The following CPQ variants were observed in gnomAD, a reference collection of about 807,000 sequenced individuals.
CPQ encodes the protein carboxypeptidase Q, also known as Ser-Met dipeptidase.
In CPQ, 37 loss-of-function variants were observed where a neutral mutation model predicts 45.7. That is an observed-to-expected ratio of 0.81 (90% CI 0.62 to 1.07). CPQ has a LOEUF of 1.07. Among genes scored for constraint, CPQ ranks in the 50% least tolerant of loss-of-function variants. CPQ has a pLI of 0.00. For synonymous variants in CPQ, 186 were observed against 205.8 expected (o/e 0.90, Z 0.82); for missense variants, 537 against 572.9 (o/e 0.94, Z 0.64).
intron 4 of CPQ, among the ~76,000 whole-genome samples, chr8:96,959,333 A>C (rs1271026187): frequency 6.6e-6 from 1 of 152,212 alleles, no homozygotes; most frequent in African/African-American, 2.4e-5. Flanking sequence ...GAATTCTTGA[A>C]AACTGGCATG....
chr8:96,927,588 G>A (rs556651156), intron 4 of CPQ, among the ~76,000 whole-genome samples: 1 of 152,274 alleles, frequency 6.6e-6, no homozygotes, highest in East Asian at 1.9e-4. Flanking sequence ...CATTTAATGA[G>A]GTAGTCCTGG....
intron 7 of CPQ, among the ~76,000 whole-genome samples, chr8:97,076,681 T>C (rs1354434297): frequency 1.3e-5 from 2 of 152,196 alleles, no homozygotes; most frequent in Admixed American, 1.3e-4. Flanking sequence ...ATCTAGAGGC[T>C]TGCCCTAAGT....
chr8:96,890,990 C>T (rs563389528), intron 4 of CPQ, among the ~76,000 whole-genome samples: 170 of 152,306 alleles, frequency 1.1e-3, no homozygotes, highest in Middle Eastern at 6.8e-3. Flanking sequence ...CCCTGCAAAG[C>T]CCTGCAAAGT....
intron 3 of CPQ, among the ~76,000 whole-genome samples, chr8:96,851,810 C>T (rs13268611): frequency 0.47 from 71,348 of 151,996 alleles, 17,039 homozygotes; most frequent in Middle Eastern, 0.52. Context: ...GTCTTGGGCC[C>T]TTTGTTTTGG....
chr8:96,763,139 G>C (rs1810424741), intron 1 of CPQ, among the ~76,000 whole-genome samples: 1 of 151,820 alleles, frequency 6.6e-6, no homozygotes, highest in Non-Finnish European at 1.5e-5. Context: ...AGCCATATTG[G>C]GTTAGGACCT....
At chr8:96,774,881 A>T (rs1303383454) in intron 1 of CPQ, among the ~76,000 whole-genome samples, 1 of 152,228 alleles carries the variant, frequency 6.6e-6, no homozygotes, top group Non-Finnish European at 1.5e-5. Flanking sequence ...AAAGTAGTTT[A>T]TAAGTTGGAA....
intron 5 of CPQ, among the ~76,000 whole-genome samples, chr8:97,004,800 C>CAACT (rs1270898110): frequency 2.0e-5 from 3 of 151,920 alleles, no homozygotes; most frequent in Non-Finnish European, 2.9e-5. Flanking sequence ...TGTAATGGAT[C>CAACT]AACTATAAGA....
At chr8:96,867,330 T>C (rs1418710028) in intron 3 of CPQ, among the ~76,000 whole-genome samples, 1 of 152,096 alleles carries the variant, frequency 6.6e-6, no homozygotes, top group Non-Finnish European at 1.5e-5. Context: ...TTTGAAGATC[T>C]GTCTGCTTAA....
chr8:96,809,573 CAG>C (rs1286935401), intron 2 of CPQ, among the ~76,000 whole-genome samples: 1 of 152,010 alleles, frequency 6.6e-6, no homozygotes, highest in Admixed American at 6.6e-5. Context: ...TAGTGGTTTT[CAG>C]GGGCCGGGGT....
chr8:96,652,214 G>A (rs1815584878), intron 1 of CPQ, among the ~76,000 whole-genome samples: 1 of 152,170 alleles, frequency 6.6e-6, no homozygotes, highest in Non-Finnish European at 1.5e-5. Context: ...GTGAGATCAT[G>A]TGGTATTTGT....
chr8:96,794,364 T>G (rs572956464), intron 2 of CPQ, among the ~76,000 whole-genome samples: 1 of 152,296 alleles, frequency 6.6e-6, no homozygotes, highest in Non-Finnish European at 1.5e-5. Flanking sequence ...GATTCTACAT[T>G]GGCCCCTTTC....
At chr8:97,122,922 T>A (rs1219755162) in intron 7 of CPQ, among the ~76,000 whole-genome samples, 4 of 52,772 alleles carry the variant, frequency 7.6e-5, no homozygotes, top group East Asian at 1.5e-3. Flanking sequence ...TAAAATAAAA[T>A]AAAATAAATA....
Position 97,037,877 on chromosome 8 carries a change from C to T in CPQ, c.1053+8383C>T, listed in dbSNP as rs188887610. On this transcript the variant is annotated intron_variant, in intron 6 of 7. Coordinates refer to ENST00000220763, the MANE Select transcript of CPQ (RefSeq NM_016134.4). Reference sequence around the variant, plus strand: ...ACTAGGAGAATCATATACCACCTTGCGAATAAACATGAGTAGGTTTCAACT... The same window carrying T: ...ACTAGGAGAATCATATACCACCTTGTGAATAAACATGAGTAGGTTTCAACT... 1.6e-4 allele frequency among the ~76,000 whole-genome samples: 25 copies of T among 152,224 alleles called. No individual in the cohort carries two copies. In the East Asian group the frequency reaches 2.5e-3, roughly 15 times the overall value.
At chr8:96,966,103 T>A (rs1163668239) in intron 5 of CPQ, 57 bp downstream of exon 5, 3 of 1,240,912 alleles carry the variant, frequency 2.4e-6, no homozygotes, top group Non-Finnish European at 2.3e-6. Flanking sequence ...CATGTTTAAC[T>A]CAAAACACAA....
chr8:97,139,990 C>A (rs1336166088), intron 7 of CPQ, among the ~76,000 whole-genome samples: 2 of 147,884 alleles, frequency 1.4e-5, no homozygotes, highest in Non-Finnish European at 3.0e-5. Context: ...ATTAATAAAA[C>A]TGACAAACTG....
At chr8:96,958,548 G>C (rs1465281958) in intron 4 of CPQ, among the ~76,000 whole-genome samples, 1 of 152,120 alleles carries the variant, frequency 6.6e-6, no homozygotes, top group Non-Finnish European at 1.5e-5. Context: ...ATTCTCTGCT[G>C]TTCCCCTATC....
intron 1 of CPQ, among the ~76,000 whole-genome samples, chr8:96,771,659 G>T (rs541201154): frequency 1.3e-5 from 2 of 151,962 alleles, no homozygotes; most frequent in Non-Finnish European, 2.9e-5. Context: ...TATACAGAAA[G>T]ATTCAGCTCA....
intron 1 of CPQ, among the ~76,000 whole-genome samples, chr8:96,769,344 A>G (rs764419756): frequency 6.6e-6 from 1 of 152,132 alleles, no homozygotes; most frequent in Non-Finnish European, 1.5e-5. Context: ...AGGGCTACCC[A>G]CTTTGTATTT....
intron 7 of CPQ, chr8:97,133,307 C>T (rs1294987185): frequency 6.6e-6 from 1 of 152,170 alleles, no homozygotes; most frequent in African/African-American, 2.4e-5. Context: ...AGGGAAGGCA[C>T]ACTTTCTACC....
Sources: gnomAD v4.1 joint callset for allele counts (sites outside exome capture counted in the v4.1 genomes callset) on GRCh38, gnomAD v4.1.1 for gene constraint, MANE v1.5 for transcripts, NCBI Gene and HGNC (gene_info 2026-07-23, HGNC 2026-07-21) for gene names.